Variants in METTL21A observed in about 807,000 individuals in gnomAD.
The protein encoded by METTL21A is methyltransferase 21A, HSPA lysine, also known as protein N-lysine methyltransferase METTL21A.
Under a neutral mutation model 20.9 loss-of-function variants are expected in METTL21A, and 22 were observed. The observed-to-expected ratio is 1.05, with a 90% CI of 0.75 to 1.50. The LOEUF (loss-of-function observed/expected upper bound fraction) is 1.50, where lower values mean the gene tolerates loss of function less well. Ranked by LOEUF, METTL21A falls within the 40% of genes most tolerant of loss-of-function variation. METTL21A has a pLI of 0.00. For synonymous variants in METTL21A, 93 were observed against 102.0 expected (o/e 0.91, Z 0.53); for missense variants, 271 against 266.8 (o/e 1.02, Z -0.11).
intron 3 of METTL21A, chr2:207,603,227 C>T (rs1235182792): frequency 9.2e-6 from 2 of 218,354 alleles, no homozygotes; most frequent in Middle Eastern, 1.4e-3. Flanking sequence ...AGTTACAATG[C>T]ATTTTATTAA....
In METTL21A at chr2:207,615,289, T is replaced by TA. The variant is rs79608150; in HGVS notation, c.260-1847dup. On this transcript the variant is annotated intron_variant, in intron 3 of 3. Coordinates refer to ENST00000406927, the Ensembl canonical transcript of METTL21A. ...AAGTTCAAGACCAGCCCTGACAACA[T>TA]AGAGAGATCCCATCTCCACAAAAAA... Among the ~76,000 whole-genome samples, 3 of 151,158 alleles carry TA rather than the reference T, an allele frequency of 2.0e-5. No individual in the cohort carries two copies. The East Asian group carries it at 5.8e-4, about 29-fold the overall frequency.
chr2:207,607,688 C>CCTTTTTTTTTTTTTTTT (rs1347132785), downstream of METTL21A, among the ~76,000 whole-genome samples: 1 of 143,972 alleles, frequency 6.9e-6, no homozygotes, highest in Non-Finnish European at 1.5e-5. Context: ...ATCATACATA[C>CCTTTTTTTTTTTTTTTT]ATTTTAACAT....
chr2:207,617,656 G>A (rs2089954466), intron 3 of METTL21A, among the ~76,000 whole-genome samples: 1 of 152,218 alleles, frequency 6.6e-6, no homozygotes, highest in African/African-American at 2.4e-5. Flanking sequence ...CACAGGTCAT[G>A]CCATCAATTT....
intron 3 of METTL21A, among the ~76,000 whole-genome samples, chr2:207,587,335 G>A (rs921991254): frequency 2.0e-5 from 3 of 151,216 alleles, no homozygotes; most frequent in South Asian, 4.2e-4. Flanking sequence ...AGAGCTTGCA[G>A]TGAGCCGAGA....
intron 3 of METTL21A, among the ~76,000 whole-genome samples, chr2:207,585,550 A>G (rs1347864365): frequency 1.3e-5 from 2 of 152,240 alleles, no homozygotes; most frequent in Admixed American, 1.3e-4. Flanking sequence ...CTCCAAAGGA[A>G]CACAATAATT....
chr2:207,608,885 C>T (rs1263512131), downstream of METTL21A, among the ~76,000 whole-genome samples: 2 of 152,234 alleles, frequency 1.3e-5, no homozygotes, highest in Non-Finnish European at 2.9e-5. Context: ...TGAGATCGTG[C>T]CCCGCACTCC....
Position 207,613,288 on chromosome 2 carries a change from G to T in METTL21A, c.415C>A (p.Leu139Met), listed in dbSNP as rs143436302. 3.3e-4 allele frequency: 525 copies of T among 1,614,044 alleles called. 3 individuals carry two copies. The highest frequency in any genetic ancestry group is 3.1e-3 in the South Asian group (285 of 91,054). Reference sequence around the variant, plus strand: ...TATATGATATCAGCACCAAGTATCAGGTCAAATTCTCCAGGAGAAAAACTC... The same window carrying T: ...TATATGATATCAGCACCAAGTATCATGTCAAATTCTCCAGGAGAAAAACTC... Residue 139 changes from leucine to methionine, a missense_variant, in exon 4 of 4, where the codon CTG becomes ATG. Physicochemically the swap from Leu to Met is conservative, Grantham distance 15 (BLOSUM62 2). Transcript: ENST00000406927.
At chr2:207,623,884 C>T (rs2090800861) in intron 2 of METTL21A, among the ~76,000 whole-genome samples, 2 of 152,136 alleles carry the variant, frequency 1.3e-5, no homozygotes, top group African/African-American at 4.8e-5. Flanking sequence ...GTGTCCAAAG[C>T]AGTTGGGGGC....
intron 3 of METTL21A, chr2:207,600,411 C>CA (rs1237544934): frequency 1.0e-5 from 2 of 194,112 alleles, no homozygotes; most frequent in Admixed American, 1.2e-4. Context: ...CTCCAGCACT[C>CA]ATGATTGATT....
intron 3 of METTL21A, among the ~76,000 whole-genome samples, chr2:207,595,470 TGGTATAGTGGCATGATCATG>T: frequency 6.6e-6 from 1 of 152,160 alleles, no homozygotes; most frequent in South Asian, 2.1e-4. Flanking sequence ...TCCCAAGCTG[TGGTATAGTGGCATGATCATG>T]GCTCACTGCA....
At chr2:207,606,703 C>T (rs1010860236), downstream of METTL21A, among the ~76,000 whole-genome samples, 1 of 152,100 alleles carries the variant, frequency 6.6e-6, no homozygotes, top group Non-Finnish European at 1.5e-5. Context: ...AACACTAACA[C>T]AAATTACAAG....
chr2:207,625,693 C>T (rs1253003405), upstream of METTL21A: 1 of 152,272 alleles, frequency 6.6e-6, no homozygotes, highest in African/African-American at 2.4e-5. Context: ...CTGAATGTGC[C>T]TCTCGACCTT....
At chr2:207,599,639 G>T in intron 3 of METTL21A, 1 of 200,098 alleles carries the variant, frequency 5.0e-6, no homozygotes, top group East Asian at 7.7e-5. Context: ...GACCCTTGGT[G>T]AAACTTGAAG....
chr2:207,603,932 T>G (rs1481004215), intron 3 of METTL21A, among the ~76,000 whole-genome samples: 1 of 152,220 alleles, frequency 6.6e-6, no homozygotes, highest in Non-Finnish European at 1.5e-5. Flanking sequence ...CTGCATTATT[T>G]GTATGTTTCT....
At chr2:207,592,838 G>A (rs2085323920) in intron 3 of METTL21A, among the ~76,000 whole-genome samples, 1 of 151,816 alleles carries the variant, frequency 6.6e-6, no homozygotes. Flanking sequence ...GCTTGAACCT[G>A]GGAGGTGGAG....
chr2:207,624,658 C>T (rs1298209537), intron 1 of METTL21A: 16 of 248,132 alleles, frequency 6.4e-5, no homozygotes, highest in South Asian at 4.6e-4. Context: ...CGCAGAATAC[C>T]CTATACACTG....
At chr2:207,597,310 C>A in intron 3 of METTL21A, 1 of 390,382 alleles carries the variant, frequency 2.6e-6, no homozygotes, top group African/African-American at 2.1e-5. Context: ...CTTTTCAACC[C>A]CCACCCTCCT....
intron 3 of METTL21A, chr2:207,597,153 C>CT: frequency 7.3e-7 from 1 of 1,376,176 alleles, no homozygotes; most frequent in Non-Finnish European, 9.7e-7. Flanking sequence ...CTAAACATTT[C>CT]TTTTTTTCTA....
exon 2 of METTL21A, chr2:207,624,244 C>T: frequency 6.2e-7 from 1 of 1,607,242 alleles, no homozygotes; most frequent in Non-Finnish European, 8.5e-7. Context: ...CCCAAACCAC[C>T]GCTGCGACTC....
Sources: allele counts gnomAD v4.1 joint callset (sites outside exome capture counted in the v4.1 genomes callset), GRCh38; gene constraint gnomAD v4.1.1; transcripts MANE v1.5; gene names NCBI Gene and HGNC (gene_info 2026-07-23, HGNC 2026-07-21).